Variants in MAEA observed in about 807,000 individuals in gnomAD.
MAEA encodes macrophage erythroblast attacher, E3 ubiquitin ligase, also known as E3 ubiquitin-protein transferase MAEA.
MAEA carries 22 observed loss-of-function variants against 46.2 expected under a neutral mutation model. The ratio of observed to expected loss-of-function variants is 0.48; its 90% CI spans 0.34 to 0.68. MAEA has a LOEUF of 0.68. MAEA is among the 30% of genes least tolerant of loss of function. MAEA has a pLI of 0.01. For synonymous variants in MAEA, 246 were observed against 222.6 expected, an observed-to-expected ratio of 1.11 and a Z score of -0.94; for missense variants, 393 against 558.1, an observed-to-expected ratio of 0.70 and a Z score of 2.98.
chr4:1,328,190 G>C (rs11726179), intron 5 of MAEA, among the ~76,000 whole-genome samples: 1 of 152,060 alleles, frequency 6.6e-6, no homozygotes, highest in Non-Finnish European at 1.5e-5. Flanking sequence ...GCCTGTCTCC[G>C]ACCCAAGGGC....
At chr4:1,291,056 G>C (rs963376672) in intron 1 of MAEA, among the ~76,000 whole-genome samples, 3 of 152,196 alleles carry the variant, frequency 2.0e-5, no homozygotes, top group Non-Finnish European at 1.5e-5. Context: ...TTCATTAAAA[G>C]GTCCCTGCTA....
Position 1,336,890 on chromosome 4 carries a change from G to A in MAEA, c.795G>A (p.Met265Ile). The A allele has an allele frequency of 6.2e-7, 1 of 1,614,028 alleles. No homozygotes were observed. The highest frequency in any genetic ancestry group is 8.5e-7 in the Non-Finnish European group (1 of 1,180,012). Residue 265 changes from methionine (M) to isoleucine (I), a missense_variant, in exon 7 of 9, where the codon ATG (methionine) becomes ATA (isoleucine). Physicochemically the swap from Met to Ile is conservative, Grantham distance 10. Coordinates refer to ENST00000303400, the MANE Select transcript of MAEA (RefSeq NM_001017405.3). ...KDLLDPARWR[M>I]LIQQFRYDNY... is the part of the protein sequence containing the mutation. ...TTCTGGACCCTGCACGGTGGCGGAT[G>A]CTGATCCAGCAGTTCCGGTACGACA...
intron 1 of MAEA, among the ~76,000 whole-genome samples, chr4:1,290,944 G>C (rs4974586): frequency 0.15 from 23,351 of 152,076 alleles, 3,431 homozygotes; most frequent in East Asian, 0.42. Flanking sequence ...ATCAGGGCCC[G>C]GTTGGTGACT....
intron 5 of MAEA, chr4:1,329,015 C>A: frequency 1.0e-6 from 1 of 986,326 alleles, no homozygotes; most frequent in Non-Finnish European, 1.2e-6. Context: ...GCCTCGGTGC[C>A]TGTGTCGCTG....
intron 1 of MAEA, chr4:1,309,362 C>A: frequency 8.6e-7 from 1 of 1,168,032 alleles, no homozygotes; most frequent in Non-Finnish European, 1.1e-6. Context: ...ACCAGCCAGC[C>A]CAGGCCAGTG....
intron 5 of MAEA, chr4:1,329,595 G>A (rs550702793): frequency 1.0e-6 from 1 of 985,422 alleles, no homozygotes; most frequent in East Asian, 1.1e-4. Flanking sequence ...CCTCTGCTGG[G>A]GCCGTCTTGG....
chr4:1,328,017 G>C (rs1043456121), intron 5 of MAEA, among the ~76,000 whole-genome samples: 2 of 152,202 alleles, frequency 1.3e-5, no homozygotes, highest in Non-Finnish European at 2.9e-5. Context: ...TCAGGCTCCC[G>C]GCACCCCCTT....
chr4:1,328,613 C>T (rs760370421), intron 5 of MAEA: 20 of 1,229,974 alleles, frequency 1.6e-5, no homozygotes, highest in Admixed American at 8.7e-5. Context: ...AACCCGACCG[C>T]GACTCCATAT....
intron 5 of MAEA, chr4:1,329,186 GTC>G (rs1739221048): frequency 1.0e-6 from 1 of 985,654 alleles, no homozygotes; most frequent in African/African-American, 1.7e-5. Context: ...TCCGCATAGG[GTC>G]TGTTGACCTG....
intron 7 of MAEA, chr4:1,337,246 G>A: frequency 1.9e-6 from 1 of 519,412 alleles, no homozygotes. Flanking sequence ...GCCGCCATGG[G>A]CATTGATCTA....
intron 3 of MAEA, among the ~76,000 whole-genome samples, chr4:1,315,873 G>GCC (rs60755890): frequency 1.3e-4 from 2 of 15,364 alleles, no homozygotes; most frequent in African/African-American, 6.7e-4. Flanking sequence ...CCGTGTGTGT[G>GCC]CCCCCCCCCC....
chr4:1,329,106 G>A (rs1739212443), intron 5 of MAEA: 1 of 985,472 alleles, frequency 1.0e-6, no homozygotes, highest in African/African-American at 1.7e-5. Flanking sequence ...CAGCCCTGGA[G>A]TCTGAAAACA....
chr4:1,303,923 A>T (rs1735577143), intron 1 of MAEA, among the ~76,000 whole-genome samples: 1 of 11,064 alleles, frequency 9.0e-5, no homozygotes, highest in African/African-American at 3.3e-4. Flanking sequence ...CGGGCAGGGC[A>T]GGGGGGTCCG....
At chr4:1,332,991 C>T in intron 6 of MAEA, 126 bp downstream of exon 6, 1 of 611,028 alleles carries the variant, frequency 1.6e-6, no homozygotes, top group East Asian at 3.2e-5. Context: ...ACAGCCTGTC[C>T]AGCCTGCCAA....
intron 3 of MAEA, among the ~76,000 whole-genome samples, chr4:1,317,849 C>T (rs1737496896): frequency 6.6e-6 from 1 of 152,164 alleles, no homozygotes; most frequent in African/African-American, 2.4e-5. Flanking sequence ...GTCTCCAGGT[C>T]ATGACTCGCA....
intron 1 of MAEA, among the ~76,000 whole-genome samples, chr4:1,302,215 A>C (rs757845360): frequency 5.3e-5 from 8 of 152,246 alleles, no homozygotes; most frequent in Admixed American, 1.3e-4. Context: ...TGTGAAAATC[A>C]ATGTCGTGTA....
chr4:1,327,042 C>T (rs1280252972), intron 4 of MAEA, among the ~76,000 whole-genome samples: 2 of 152,176 alleles, frequency 1.3e-5, no homozygotes, highest in Non-Finnish European at 2.9e-5. Flanking sequence ...GCTTCTCTGC[C>T]TCATGCCCCT....
chr4:1,300,355 C>CT (rs1735194704), intron 1 of MAEA, among the ~76,000 whole-genome samples: 1 of 152,242 alleles, frequency 6.6e-6, no homozygotes, highest in African/African-American at 2.4e-5. Flanking sequence ...CCAAGAAGGG[C>CT]TGGGCCTTGC....
intron 1 of MAEA, among the ~76,000 whole-genome samples, chr4:1,298,467 G>T (rs1294298228): frequency 2.1e-5 from 3 of 144,864 alleles, no homozygotes; most frequent in Admixed American, 6.9e-5. Context: ...GGACCCACAG[G>T]TCCCCTCTGT....
Sources: gnomAD v4.1 joint callset for allele counts (sites outside exome capture counted in the v4.1 genomes callset) on GRCh38, gnomAD v4.1.1 for gene constraint, MANE v1.5 for transcripts, NCBI Gene and HGNC (gene_info 2026-07-23, HGNC 2026-07-21) for gene names.